Variants in NRG3 observed in about 807,000 individuals in gnomAD.
NRG3 encodes neuregulin 3.
NRG3 carries 31 observed loss-of-function variants against 66.9 expected under a neutral mutation model. That is an observed-to-expected ratio of 0.46 (90% CI 0.35 to 0.63). The LOEUF (loss-of-function observed/expected upper bound fraction) is 0.63, where lower values mean the gene tolerates loss of function less well. NRG3 is among the 20% of genes least tolerant of loss of function. NRG3 has a pLI of 0.00. For missense variants in NRG3, 910 were observed against 878.9 expected (o/e 1.04, Z -0.45); for synonymous variants, 393 against 359.4 (o/e 1.09, Z -1.06).
intron 1 of NRG3, among the ~76,000 whole-genome samples, chr10:82,224,814 A>G (rs2076097210): frequency 1.3e-5 from 2 of 152,152 alleles, no homozygotes; most frequent in African/African-American, 4.8e-5. Context: ...AAGCACAGTA[A>G]AAATCATAGG....
intron 8 of NRG3, among the ~76,000 whole-genome samples, chr10:82,980,857 C>T (rs905424260): frequency 1.3e-5 from 2 of 152,170 alleles, no homozygotes; most frequent in African/African-American, 4.8e-5. Flanking sequence ...GAAAAGCAGG[C>T]TTGCATTTAA....
intron 1 of NRG3, among the ~76,000 whole-genome samples, chr10:82,146,407 T>C (rs891228847): frequency 6.6e-6 from 1 of 152,126 alleles, no homozygotes; most frequent in Non-Finnish European, 1.5e-5. Flanking sequence ...TTATCGTCTC[T>C]AGTAAGCAAG....
chr10:82,777,886 G>A (rs977999635), intron 3 of NRG3, among the ~76,000 whole-genome samples: 1 of 152,182 alleles, frequency 6.6e-6, no homozygotes, highest in Non-Finnish European at 1.5e-5. Flanking sequence ...GGAGTAGGGG[G>A]CAATACAAAG....
At chr10:82,114,349 A>G (rs190131974) in intron 1 of NRG3, among the ~76,000 whole-genome samples, 8 of 152,282 alleles carry the variant, frequency 5.3e-5, no homozygotes, top group East Asian at 3.9e-4. Context: ...TTTTAATTCA[A>G]TTACTTCTAA....
chr10:82,964,051 G>A (rs1850945756), intron 6 of NRG3, among the ~76,000 whole-genome samples: 1 of 152,080 alleles, frequency 6.6e-6, no homozygotes, highest in Non-Finnish European at 1.5e-5. Flanking sequence ...CTGATTTATT[G>A]CTTTAAATAT....
chr10:82,901,031 G>T lies in NRG3; in HGVS notation c.1054+35594G>T, dbSNP rs551102037. 2.0e-5 allele frequency among the ~76,000 whole-genome samples: 3 copies of T among 152,152 alleles called. No homozygotes were observed. The East Asian group carries it at 5.8e-4, about 29-fold the overall frequency. ...TACAGATTTTACCGAAATTTAATAG[G>T]AGTTAGTTAATATAAATGTTTGAAA... On this transcript the variant is annotated intron_variant, in intron 4 of 8. Transcript: ENST00000372141.
intron 1 of NRG3, among the ~76,000 whole-genome samples, chr10:82,249,998 T>G (rs535575559): frequency 6.6e-6 from 1 of 152,278 alleles, no homozygotes; most frequent in African/African-American, 2.4e-5. Context: ...TGGTCTCAGG[T>G]GACCCGTCAG....
At chr10:82,742,380 TC>T (rs1341451736) in intron 3 of NRG3, among the ~76,000 whole-genome samples, 1 of 152,078 alleles carries the variant, frequency 6.6e-6, no homozygotes, top group Non-Finnish European at 1.5e-5. Flanking sequence ...CAAAAACTCA[TC>T]CCCTCTGCTC....
chr10:82,093,620 A>G (rs1218017752), intron 1 of NRG3, among the ~76,000 whole-genome samples: 1 of 152,196 alleles, frequency 6.6e-6, no homozygotes, highest in Non-Finnish European at 1.5e-5. Context: ...TCTCACAACA[A>G]CCCACTTCTT....
At chr10:82,229,714 C>A (rs966019848) in intron 1 of NRG3, among the ~76,000 whole-genome samples, 1 of 152,150 alleles carries the variant, frequency 6.6e-6, no homozygotes, top group Non-Finnish European at 1.5e-5. Context: ...CTCAGTAGCA[C>A]AAGCACAACA....
At chr10:81,993,116 A>G (rs1415085715) in intron 1 of NRG3, among the ~76,000 whole-genome samples, 1 of 152,160 alleles carries the variant, frequency 6.6e-6, no homozygotes, top group Non-Finnish European at 1.5e-5. Context: ...AGAATGATTG[A>G]TATCACCCAT....
intron 2 of NRG3, among the ~76,000 whole-genome samples, chr10:82,493,299 G>C (rs1267827520): frequency 6.6e-6 from 1 of 151,996 alleles, no homozygotes; most frequent in Admixed American, 6.6e-5. Flanking sequence ...CCCCCTAACA[G>C]GCCCCAGTTC....
At chr10:82,951,989 GT>G (rs1202508525) in intron 5 of NRG3, among the ~76,000 whole-genome samples, 1 of 152,044 alleles carries the variant, frequency 6.6e-6, no homozygotes, top group African/African-American at 2.4e-5. Flanking sequence ...AAACAATTCA[GT>G]TTTTCATAAA....
intron 3 of NRG3, among the ~76,000 whole-genome samples, chr10:82,768,082 T>C (rs2059583984): frequency 6.6e-6 from 1 of 152,146 alleles, no homozygotes; most frequent in Non-Finnish European, 1.5e-5. Flanking sequence ...ACAGATGGCC[T>C]TCCAGGCTCC....
intron 1 of NRG3, among the ~76,000 whole-genome samples, chr10:82,037,896 G>T (rs1391188600): frequency 6.6e-6 from 1 of 151,936 alleles, no homozygotes; most frequent in Admixed American, 6.6e-5. Context: ...AACTTCGTAA[G>T]GGTTGGGTCT....
intron 3 of NRG3, among the ~76,000 whole-genome samples, chr10:82,849,567 G>A (rs1380158571): frequency 6.6e-6 from 1 of 152,136 alleles, no homozygotes; most frequent in Non-Finnish European, 1.5e-5. Context: ...AGTAGGGTGA[G>A]GAGGATAGGA....
chr10:82,290,344 T>G (rs1458498048), intron 1 of NRG3, among the ~76,000 whole-genome samples: 2 of 152,220 alleles, frequency 1.3e-5, no homozygotes, highest in African/African-American at 4.8e-5. Flanking sequence ...ATTATAAACA[T>G]GAAGTTTTCA....
At chr10:82,636,769 GA>G (rs1288390303) in intron 2 of NRG3, among the ~76,000 whole-genome samples, 3 of 151,802 alleles carry the variant, frequency 2.0e-5, no homozygotes, top group Non-Finnish European at 4.4e-5. Context: ...CCCAGAAGAG[GA>G]ATTGCTGGGT....
chr10:82,612,487 T>C (rs2048375960), intron 2 of NRG3, among the ~76,000 whole-genome samples: 1 of 152,186 alleles, frequency 6.6e-6, no homozygotes, highest in Non-Finnish European at 1.5e-5. Flanking sequence ...TATGTGACTT[T>C]ATAGGAATAT....
Sources: gnomAD v4.1 joint callset for allele counts (sites outside exome capture counted in the v4.1 genomes callset) on GRCh38, gnomAD v4.1.1 for gene constraint, MANE v1.5 for transcripts, NCBI Gene and HGNC (gene_info 2026-07-23, HGNC 2026-07-21) for gene names.